The following KIF6 variants were observed in gnomAD, a reference collection of about 807,000 sequenced individuals.
KIF6 encodes kinesin-like protein KIF6.
A neutral mutation model predicts 112.7 loss-of-function variants in KIF6; 106 were observed. That is an observed-to-expected ratio of 0.94 (90% confidence interval 0.80 to 1.11). The LOEUF (loss-of-function observed/expected upper bound fraction) is 1.11, where lower values mean the gene tolerates loss of function less well. Ranked by LOEUF, KIF6 falls within the 50% of genes least tolerant of loss-of-function variation. The probability of loss-of-function intolerance (pLI) is 0.00; values close to 1 mark genes in which losing one functional copy is unlikely to be tolerated. For missense variants in KIF6, 929 were observed against 964.0 expected (o/e 0.96, Z 0.48); for synonymous variants, 339 against 339.9 (o/e 1.00, Z 0.03).
intron 10 of KIF6, among the ~76,000 whole-genome samples, chr6:39,565,256 T>A (rs1187956599): frequency 6.6e-6 from 1 of 152,268 alleles, no homozygotes; most frequent in Non-Finnish European, 1.5e-5. Context: ...GCTCATTTTG[T>A]ATATGATCAT....
At chr6:39,605,344 C>T (rs892837271) in intron 6 of KIF6, among the ~76,000 whole-genome samples, 2 of 151,880 alleles carry the variant, frequency 1.3e-5, no homozygotes, top group Non-Finnish European at 2.9e-5. Context: ...AAAATTCAGC[C>T]TTCGCTTAAA....
chr6:39,516,678 T>C (rs1057212647), intron 13 of KIF6, among the ~76,000 whole-genome samples: 1 of 152,176 alleles, frequency 6.6e-6, no homozygotes, highest in Non-Finnish European at 1.5e-5. Context: ...CAAGTATTAC[T>C]TGTGAAATTT....
intron 10 of KIF6, among the ~76,000 whole-genome samples, chr6:39,560,861 T>C (rs1253380264): frequency 6.6e-6 from 1 of 152,238 alleles, no homozygotes; most frequent in Admixed American, 6.5e-5. Context: ...CAGAAGTCAT[T>C]GGCTGAGCAT....
At chr6:39,429,590 TA>T (rs1162974023) in intron 14 of KIF6, among the ~76,000 whole-genome samples, 2 of 152,194 alleles carry the variant, frequency 1.3e-5, no homozygotes, top group Non-Finnish European at 2.9e-5. Context: ...CCCTTTTACT[TA>T]AGCTACCTCT....
chr6:39,489,500 G>C (rs1775333485), intron 13 of KIF6, among the ~76,000 whole-genome samples: 1 of 152,010 alleles, frequency 6.6e-6, no homozygotes, highest in African/African-American at 2.4e-5. Context: ...TTTCCAACCA[G>C]GATAGAAAAT....
chr6:39,571,605 TAAAC>T (rs1157850313), intron 10 of KIF6, among the ~76,000 whole-genome samples: 6 of 152,160 alleles, frequency 3.9e-5, no homozygotes, highest in Non-Finnish European at 8.8e-5. Flanking sequence ...GAGAGCAAAA[TAAAC>T]ATTCATTAAA....
chr6:39,519,851 A>G (rs1165271894), intron 13 of KIF6, among the ~76,000 whole-genome samples: 1 of 152,032 alleles, frequency 6.6e-6, no homozygotes, highest in Non-Finnish European at 1.5e-5. Context: ...GTGAAACCCC[A>G]TCTCTAATAA....
At chr6:39,687,734 A>G (rs1787957488) in intron 3 of KIF6, among the ~76,000 whole-genome samples, 1 of 152,232 alleles carries the variant, frequency 6.6e-6, no homozygotes, top group African/African-American at 2.4e-5. Context: ...GGCTGCAGCC[A>G]GACTTTCTGG....
chr6:39,720,025 G>C (rs905845175), intron 2 of KIF6, among the ~76,000 whole-genome samples: 7 of 152,014 alleles, frequency 4.6e-5, no homozygotes, highest in African/African-American at 1.5e-4. Flanking sequence ...GAAACAAAAA[G>C]AAACAGCTGA....
At chr6:39,486,280 C>T (rs1775109216) in intron 13 of KIF6, among the ~76,000 whole-genome samples, 1 of 152,124 alleles carries the variant, frequency 6.6e-6, no homozygotes, top group South Asian at 2.1e-4. Flanking sequence ...GTCTGACTAC[C>T]CTGCTGGAGA....
intron 13 of KIF6, among the ~76,000 whole-genome samples, chr6:39,484,282 T>G (rs1198622963): frequency 6.6e-6 from 1 of 152,206 alleles, no homozygotes; most frequent in Non-Finnish European, 1.5e-5. Flanking sequence ...TTGAGTAGCT[T>G]GTACCTGGTG....
In KIF6 at chr6:39,639,907, C is replaced by A. The variant is rs1018436693; in HGVS notation, c.252-150G>T. 45 of 614,102 alleles carry A rather than the reference C, an allele frequency of 7.3e-5. No individual in the cohort carries two copies. In the Admixed American group the frequency reaches 1.5e-3, roughly 20 times the overall value. 38.0% of individuals were successfully genotyped at this position (614,102 alleles called of 1,614,324 possible). A position where few individuals can be genotyped will look rare whatever the true frequency, so the allele number is the denominator to read the frequency against. Reference sequence around the variant, plus strand: ...AAAATTTATATATGTGAATATCTAGCTAGAATTTACATTTTTATCTAGGAA... The same window carrying A: ...AAAATTTATATATGTGAATATCTAGATAGAATTTACATTTTTATCTAGGAA... On this transcript the variant is annotated intron_variant, in intron 3 of 22. Coordinates refer to ENST00000287152, the MANE Select transcript of KIF6 (RefSeq NM_145027.6).
intron 19 of KIF6, among the ~76,000 whole-genome samples, chr6:39,351,606 G>GC (rs907539627): frequency 5.9e-5 from 9 of 151,648 alleles, no homozygotes; most frequent in Non-Finnish European, 1.3e-4. Context: ...TGACACACCT[G>GC]CCCCTCTCTC....
intron 13 of KIF6, among the ~76,000 whole-genome samples, chr6:39,468,149 A>G (rs1429215512): frequency 6.6e-6 from 1 of 152,058 alleles, no homozygotes; most frequent in Admixed American, 6.6e-5. Flanking sequence ...ATAGATCATT[A>G]GAGATTACAT....
rs1022615963 is a variant in KIF6 at position 39,330,610 on chromosome 6, G to A, written c.*5922C>T. On this transcript the variant is annotated 3_prime_UTR_variant, in exon 23 of 23. Transcript: ENST00000287152. ...AGATCAGGAGCTGAGTGAATGGAGAGGGAAGAGTACCAGCTGGCATGCTGC... is the reference window on the plus strand; with the variant it reads ...AGATCAGGAGCTGAGTGAATGGAGAAGGAAGAGTACCAGCTGGCATGCTGC... 6 of 152,284 alleles carry A rather than the reference G, an allele frequency of 3.9e-5. No individual in the cohort carries two copies. In the East Asian group the frequency reaches 1.2e-3, roughly 29 times the overall value. The allele number at this position is 152,284 out of a possible 1,614,324, so 9.4% of individuals were successfully genotyped here.
chr6:39,533,631 C>T (rs1778219461), intron 13 of KIF6, among the ~76,000 whole-genome samples: 1 of 152,214 alleles, frequency 6.6e-6, no homozygotes, highest in African/African-American at 2.4e-5. Flanking sequence ...AAAAAGGGCA[C>T]AGACAAACAA....
intron 13 of KIF6, among the ~76,000 whole-genome samples, chr6:39,486,612 G>A (rs1372675815): frequency 3.9e-5 from 6 of 152,122 alleles, no homozygotes; most frequent in African/African-American, 1.2e-4. Context: ...CAAATTTTTC[G>A]ACTGAGATGC....
chr6:39,537,897 C>A (rs1159692930), intron 13 of KIF6, among the ~76,000 whole-genome samples: 1 of 152,134 alleles, frequency 6.6e-6, no homozygotes. Context: ...GAACAGAGCC[C>A]TCAGAAATAA....
intron 6 of KIF6, among the ~76,000 whole-genome samples, chr6:39,596,890 T>C (rs1310693515): frequency 6.6e-6 from 1 of 152,162 alleles, no homozygotes; most frequent in African/African-American, 2.4e-5. Context: ...TTGCTGGATA[T>C]GAGATGAATA....
Sources: allele counts gnomAD v4.1 joint callset (sites outside exome capture counted in the v4.1 genomes callset), GRCh38; gene constraint gnomAD v4.1.1; transcripts MANE v1.5; gene names NCBI Gene and HGNC (gene_info 2026-07-23, HGNC 2026-07-21).